The following TGFBR3 variants were observed in gnomAD, a reference collection of about 807,000 sequenced individuals.
TGFBR3 encodes transforming growth factor beta receptor 3, also known as transforming growth factor beta receptor type 3.
TGFBR3 carries 46 observed loss-of-function variants against 87.9 expected under a neutral mutation model. That is an observed-to-expected ratio of 0.52 (90% CI 0.41 to 0.67). The LOEUF is 0.67. Among genes scored for constraint, TGFBR3 ranks in the 30% least tolerant of loss-of-function variants. The pLI is 0.00. For synonymous variants in TGFBR3, 381 were observed against 391.6 expected, an observed-to-expected ratio of 0.97 and a Z score of 0.32; for missense variants, 866 against 1,041.9, an observed-to-expected ratio of 0.83 and a Z score of 2.32.
At chr1:91,784,448 C>T (rs1674885165) in intron 3 of TGFBR3, among the ~76,000 whole-genome samples, 1 of 152,206 alleles carries the variant, frequency 6.6e-6, no homozygotes, top group Admixed American at 6.5e-5. Flanking sequence ...GTCCACTCAC[C>T]AGCTGAGTGT....
intron 4 of TGFBR3, among the ~76,000 whole-genome samples, chr1:91,743,079 A>G (rs1348667116): frequency 6.6e-6 from 1 of 152,172 alleles, no homozygotes; most frequent in Non-Finnish European, 1.5e-5. Flanking sequence ...CGGAAGCCTC[A>G]AGGTTGATCT....
chr1:91,722,059 T>G lies in TGFBR3; in HGVS notation c.971A>C (p.Gln324Pro), dbSNP rs867822366. Reference protein sequence around the residue: ...KSIRDDIPSTQGNLVKWALDN... With the variant: ...KSIRDDIPSTPGNLVKWALDN... ...CAAAGCCCACTTCACCAGATTCCCT[T>G]GGGTTGAAGGAATGTCATCTCTTAT... Residue 324 changes from glutamine to proline, a missense_variant, in exon 8 of 17, where the codon CAA becomes CCA. By Grantham distance (76) the Gln-to-Pro change is moderately conservative. Transcript: ENST00000212355. 4 of 1,613,962 alleles carry G rather than the reference T, an allele frequency of 2.5e-6. No homozygotes were observed. The Middle Eastern group carries it at 6.6e-4, about 267-fold the overall frequency.
chr1:91,844,217 C>T (rs77725747), intron 2 of TGFBR3, among the ~76,000 whole-genome samples: 3 of 152,288 alleles, frequency 2.0e-5, no homozygotes, highest in South Asian at 2.1e-4. Flanking sequence ...GCAGCCAGGC[C>T]GATAACTCAC....
intron 8 of TGFBR3, among the ~76,000 whole-genome samples, chr1:91,721,622 T>C (rs191515182): frequency 1.2e-4 from 18 of 152,320 alleles, no homozygotes; most frequent in Admixed American, 3.9e-4. Flanking sequence ...CCTTTTACCA[T>C]GAACTTCTTT....
intron 1 of TGFBR3, among the ~76,000 whole-genome samples, chr1:91,867,856 T>C (rs1678443824): frequency 6.6e-6 from 1 of 152,204 alleles, no homozygotes; most frequent in Admixed American, 6.5e-5. Flanking sequence ...ATTTTGATTA[T>C]AATATAAGAC....
intron 16 of TGFBR3, among the ~76,000 whole-genome samples, chr1:91,687,636 T>A (rs1310689921): frequency 6.6e-6 from 1 of 152,122 alleles, no homozygotes; most frequent in Non-Finnish European, 1.5e-5. Context: ...TTGCAAATAC[T>A]CTCCATGAGG....
intron 1 of TGFBR3, among the ~76,000 whole-genome samples, chr1:91,882,254 A>G (rs1679115992): frequency 1.3e-5 from 2 of 148,648 alleles, no homozygotes; most frequent in Admixed American, 6.8e-5. Context: ...CTCCCACCTC[A>G]GCCTCTGGAG....
intron 12 of TGFBR3, 110 bp from the exon 13 acceptor site, chr1:91,712,652 T>A (rs562999569): frequency 2.1e-6 from 2 of 942,000 alleles, no homozygotes; most frequent in Non-Finnish European, 3.4e-6. Flanking sequence ...CTGCTTTATC[T>A]TCATAACATA....
exon 1 of TGFBR3, chr1:91,905,923 C>T (rs1472775744): frequency 6.6e-6 from 1 of 152,238 alleles, no homozygotes; most frequent in African/African-American, 2.4e-5. Flanking sequence ...TGCGCAGCTT[C>T]AGGCTCATGC....
chr1:91,683,469 C>G lies in TGFBR3; in HGVS notation c.*270G>C, dbSNP rs763239975. 17 of 659,502 alleles carry G rather than the reference C, an allele frequency of 2.6e-5. No individual in the cohort carries two copies. Among genetic ancestry groups the G allele is most frequent in the South Asian group, 2.6e-4 (17 of 66,314 alleles). 40.9% of individuals were successfully genotyped at this position (659,502 alleles called of 1,614,324 possible). A position where few individuals can be genotyped will look rare whatever the true frequency, so the allele number is the denominator to read the frequency against. On this transcript the variant is annotated 3_prime_UTR_variant, in exon 17 of 17. Transcript: ENST00000212355. The stretch of plus-strand genomic sequence containing the variant: ...TGTTTCACATTGAAAACCCCCAAGC[C>G]TGTGAGGGGCTGGTGGAGAAGACCA...
At chr1:91,761,870 G>C (rs774907732) in intron 3 of TGFBR3, among the ~76,000 whole-genome samples, 7 of 152,042 alleles carry the variant, frequency 4.6e-5, no homozygotes, top group Non-Finnish European at 7.4e-5. Context: ...GCTTTTTGTG[G>C]TTACACTCTC....
chr1:91,692,052 G>A (rs1671286078), intron 16 of TGFBR3, among the ~76,000 whole-genome samples: 1 of 151,972 alleles, frequency 6.6e-6, no homozygotes, highest in Non-Finnish European at 1.5e-5. Flanking sequence ...GGTAGGGTGG[G>A]GAAAGATAAT....
At chr1:91,685,004 C>T (rs957324035) in intron 16 of TGFBR3, among the ~76,000 whole-genome samples, 1 of 152,176 alleles carries the variant, frequency 6.6e-6, no homozygotes, top group Non-Finnish European at 1.5e-5. Context: ...AGGAAAGGCC[C>T]TGCCCTCCAG....
At chr1:91,864,741 G>T (rs1363995725) in intron 1 of TGFBR3, among the ~76,000 whole-genome samples, 1 of 152,178 alleles carries the variant, frequency 6.6e-6, no homozygotes, top group Non-Finnish European at 1.5e-5. Flanking sequence ...ATGCTGGATG[G>T]ACTGAAGGCT....
intron 5 of TGFBR3, 129 bp downstream of exon 5, chr1:91,734,647 A>G: frequency 8.6e-7 from 1 of 1,168,154 alleles, no homozygotes; most frequent in Non-Finnish European, 1.3e-6. Context: ...GGGCCAAATG[A>G]CCCCTCAGGT....
intron 3 of TGFBR3, among the ~76,000 whole-genome samples, chr1:91,762,438 C>T (rs749672371): frequency 1.3e-5 from 2 of 152,178 alleles, no homozygotes; most frequent in Non-Finnish European, 2.9e-5. Context: ...AATTAAACTA[C>T]AAATTACACC....
chr1:91,832,726 C>T lies in TGFBR3; in HGVS notation c.61+28745G>A, dbSNP rs147074989. ...CAGAGAAAACTCTGAATCGGGGTCA[C>T]GCATGGTGGCTCACACCTGTAATCC... On this transcript the variant is annotated intron_variant, in intron 2 of 16. Coordinates refer to ENST00000212355, the MANE Select transcript of TGFBR3 (RefSeq NM_003243.5). Among the ~76,000 whole-genome samples the T allele has an allele frequency of 5.5e-3, 842 of 152,252 alleles. 12 individuals carry two copies. Among genetic ancestry groups the T allele is most frequent in the African/African-American group, 0.019 (805 of 41,552 alleles).
upstream of TGFBR3, among the ~76,000 whole-genome samples, chr1:91,890,056 A>G (rs1053769769): frequency 3.3e-5 from 5 of 152,168 alleles, no homozygotes; most frequent in African/African-American, 1.2e-4. Context: ...TTCAAGCTAC[A>G]GTATTTGTTA....
intron 2 of TGFBR3, among the ~76,000 whole-genome samples, chr1:91,818,278 CTTTTTTTTTTTTTTTTTTTTTTT>C (rs760050197): frequency 9.2e-5 from 3 of 32,468 alleles, no homozygotes; most frequent in Admixed American, 3.4e-4. Flanking sequence ...TAGCCCCAGC[CTTTTTTTTTTTTTTTTTTTTTTT>C]TTTTTTTTTT....
Sources: gnomAD v4.1 joint callset for allele counts (sites outside exome capture counted in the v4.1 genomes callset) on GRCh38, gnomAD v4.1.1 for gene constraint, MANE v1.5 for transcripts, NCBI Gene and HGNC (gene_info 2026-07-23, HGNC 2026-07-21) for gene names.